Variants in PLXNA2 observed in about 807,000 individuals in gnomAD.
PLXNA2 encodes plexin A2.
PLXNA2 carries 91 observed loss-of-function variants against 193.5 expected under a neutral mutation model. The observed-to-expected ratio is 0.47, with a 90% CI of 0.40 to 0.56. PLXNA2 has a LOEUF of 0.56. Ranked by LOEUF, PLXNA2 falls within the 20% of genes least tolerant of loss-of-function variation. The pLI is 0.00. For synonymous variants in PLXNA2, 997 were observed against 1,027.3 expected (o/e 0.97, Z 0.56); for missense variants, 1,995 against 2,503.2 (o/e 0.80, Z 4.33).
chr1:208,154,736 T>TA (rs1668884753), intron 3 of PLXNA2, among the ~76,000 whole-genome samples: 2 of 152,326 alleles, frequency 1.3e-5, no homozygotes, highest in South Asian at 4.1e-4. Context: ...TCCCTTCCAA[T>TA]AGACATTGAT....
chr1:208,117,361 T>A (rs1571935656), intron 4 of PLXNA2, among the ~76,000 whole-genome samples: 1 of 151,726 alleles, frequency 6.6e-6, no homozygotes, highest in African/African-American at 2.4e-5. Flanking sequence ...ACTTGGGAGG[T>A]CACCGCTCCC....
chr1:208,083,609 C>G (rs1055655394), intron 10 of PLXNA2, among the ~76,000 whole-genome samples: 1 of 152,110 alleles, frequency 6.6e-6, no homozygotes, highest in Non-Finnish European at 1.5e-5. Flanking sequence ...CTTTATCTCT[C>G]CCAGGCGAAT....
intron 4 of PLXNA2, among the ~76,000 whole-genome samples, chr1:208,130,517 AGCGCTGT>A (rs1283957296): frequency 6.6e-6 from 1 of 152,206 alleles, no homozygotes; most frequent in African/African-American, 2.4e-5. Context: ...TCAGCCTCCG[AGCGCTGT>A]GCACACAGCC....
chr1:208,161,398 T>G (rs984254752), intron 3 of PLXNA2, among the ~76,000 whole-genome samples: 1 of 152,220 alleles, frequency 6.6e-6, no homozygotes, highest in African/African-American at 2.4e-5. Context: ...ATTTTTTGCT[T>G]CTTCAAAGAA....
At chr1:208,158,915 G>A (rs1669020282) in intron 3 of PLXNA2, among the ~76,000 whole-genome samples, 1 of 152,192 alleles carries the variant, frequency 6.6e-6, no homozygotes, top group Non-Finnish European at 1.5e-5. Context: ...GCCCTGCAGT[G>A]GGCTCTATCT....
At chr1:208,066,885 C>CA (rs1323733227) in intron 12 of PLXNA2, among the ~76,000 whole-genome samples, 2 of 151,738 alleles carry the variant, frequency 1.3e-5, no homozygotes, top group East Asian at 3.9e-4. Context: ...TTTAACAAAA[C>CA]AAATTTAAAA....
intron 2 of PLXNA2, among the ~76,000 whole-genome samples, chr1:208,211,650 G>A (rs992919079): frequency 5.4e-5 from 8 of 148,500 alleles, no homozygotes; most frequent in Non-Finnish European, 1.0e-4. Context: ...CCGAGATTGC[G>A]CCACTGCACT....
At chr1:208,121,526 T>G (rs1466823962) in intron 4 of PLXNA2, among the ~76,000 whole-genome samples, 1 of 152,134 alleles carries the variant, frequency 6.6e-6, no homozygotes, top group African/African-American at 2.4e-5. Context: ...TGAGTTCTCA[T>G]GAGAACTGAT....
At chr1:208,048,144 C>T (rs1457733138) in intron 17 of PLXNA2, among the ~76,000 whole-genome samples, 1 of 152,162 alleles carries the variant, frequency 6.6e-6, no homozygotes, top group African/African-American at 2.4e-5. Flanking sequence ...ATAAGCAAAT[C>T]ACTCCCAAGC....
chr1:208,081,555 C>A (rs569393570), intron 11 of PLXNA2, among the ~76,000 whole-genome samples: 7 of 152,130 alleles, frequency 4.6e-5, no homozygotes, highest in Non-Finnish European at 8.8e-5. Context: ...GCTCAGTTTG[C>A]GAGCTCTGAA....
At position 208,038,881 on chromosome 1, in the gene PLXNA2, G is replaced by A. The variant is rs566013352; in HGVS notation, c.4604C>T (p.Ala1535Val). The A allele has an allele frequency of 6.8e-6, 11 of 1,613,928 alleles. No individual in the cohort carries two copies. The highest frequency in any genetic ancestry group is 4.0e-5 in the African/African-American group (3 of 75,000). ...GGAATAGGGCACATTCTTATACACGGCATCAAGAATCTTCTCCTTGACCTG... is the reference window on the plus strand; with the variant it reads ...GGAATAGGGCACATTCTTATACACGACATCAAGAATCTTCTCCTTGACCTG... ...ITQVKEKILD[A>V]VYKNVPYSQR... is the part of the protein sequence containing the mutation. The change falls in exon 25 of 32, where the codon GCC (alanine) becomes GTC (valine). Residue 1535 changes from alanine to valine, a missense_variant. Physicochemically the swap from Ala to Val is moderately conservative, Grantham distance 64. This residue lies in a region of PLXNA2 where 1,291 missense variants were observed against 1,673.6 expected (regional missense o/e 0.77). Transcript: ENST00000367033. The surrounding 1 kb of genome is among the most constrained non-coding windows in gnomAD (Gnocchi z 4.1).
intron 14 of PLXNA2, among the ~76,000 whole-genome samples, chr1:208,053,867 G>A (rs1558167212): frequency 6.6e-6 from 1 of 152,216 alleles, no homozygotes; most frequent in Non-Finnish European, 1.5e-5. Flanking sequence ...AGGTGTGACT[G>A]TGTGAATGTG....
At chr1:208,040,369 C>A in intron 22 of PLXNA2, 2 of 365,638 alleles carry the variant, frequency 5.5e-6, no homozygotes, top group South Asian at 7.4e-5. Flanking sequence ...ACCTCACTAT[C>A]CCACAGGGCT....
chr1:208,215,691 G>A (rs1267226713), intron 2 of PLXNA2, among the ~76,000 whole-genome samples: 2 of 151,840 alleles, frequency 1.3e-5, no homozygotes, highest in Non-Finnish European at 2.9e-5. Context: ...GGAGGATGGA[G>A]GGATAGATGG....
intron 13 of PLXNA2, among the ~76,000 whole-genome samples, 172 bp from the exon 14 acceptor site, chr1:208,054,710 T>G (rs1665370826): frequency 6.6e-6 from 1 of 152,240 alleles, no homozygotes; most frequent in Admixed American, 6.5e-5. Context: ...GCTTTCCCTC[T>G]CTGGGCTTTG....
At chr1:208,057,779 G>C (rs1412357207) in intron 13 of PLXNA2, among the ~76,000 whole-genome samples, 1 of 152,210 alleles carries the variant, frequency 6.6e-6, no homozygotes, top group East Asian at 1.9e-4. Context: ...CTGAAGACCT[G>C]ACTCCTCCTG....
intron 2 of PLXNA2, among the ~76,000 whole-genome samples, chr1:208,215,791 G>C (rs1326494676): frequency 6.6e-6 from 1 of 152,178 alleles, no homozygotes; most frequent in African/African-American, 2.4e-5. Flanking sequence ...TTGGATGAAT[G>C]ATGGAAGAAG....
At chr1:208,195,455 C>T (rs1301260974) in intron 3 of PLXNA2, among the ~76,000 whole-genome samples, 2 of 152,140 alleles carry the variant, frequency 1.3e-5, no homozygotes, top group Non-Finnish European at 2.9e-5. Context: ...CTCCACCAAG[C>T]TTATCCCACC....
Position 208,217,843 on chromosome 1 carries a change from A to G in PLXNA2, c.80T>C (p.Leu27Pro). 6.2e-7 allele frequency: 1 copy of G among 1,613,966 alleles called. No homozygotes were observed. Among genetic ancestry groups the G allele is most frequent in the Non-Finnish European group, 8.5e-7 (1 of 1,180,016 alleles). ...SVVLLSVVWV[L>P]LAPPAAGMPQ... ...CATGCCGGCTGCTGGGGGGGCCAGC[A>G]GCACCCAGACCACTGAGAGCAGGAC... The change falls in exon 2 of 32, where the codon CTG becomes CCG. Residue 27 changes from leucine (L) to proline (P), a missense_variant. Around this residue, in one of 3 missense-constraint regions of PLXNA2, gnomAD observed 702 missense variants for 812.9 expected, o/e 0.86. Coordinates refer to ENST00000367033, the MANE Select transcript of PLXNA2 (RefSeq NM_025179.4). This position sits in a 1 kb window ranked among gnomAD's most constrained non-coding sequence, Gnocchi z 4.7.
Sources: allele counts gnomAD v4.1 joint callset (sites outside exome capture counted in the v4.1 genomes callset), GRCh38; gene constraint gnomAD v4.1.1; regional missense constraint gnomAD v4.1.1; non-coding constraint Gnocchi (gnomAD v3.1); transcripts MANE v1.5; gene names NCBI Gene and HGNC (gene_info 2026-07-23, HGNC 2026-07-21).